Variants in GREM2 observed in about 807,000 individuals in gnomAD.
GREM2 encodes gremlin 2, DAN family BMP antagonist.
GREM2 carries 11 observed loss-of-function variants against 14.2 expected under a neutral mutation model. That is an observed-to-expected ratio of 0.78 (90% CI 0.49 to 1.28). GREM2 has a LOEUF of 1.28. Ranked by LOEUF, GREM2 falls within the 50% of genes most tolerant of loss-of-function variation. The probability of loss-of-function intolerance (pLI) is 0.00; values close to 1 mark genes in which losing one functional copy is unlikely to be tolerated. For synonymous variants in GREM2, 98 were observed against 97.6 expected, an observed-to-expected ratio of 1.00 and a Z score of -0.02; for missense variants, 210 against 218.5, an observed-to-expected ratio of 0.96 and a Z score of 0.24.
intron 1 of GREM2, among the ~76,000 whole-genome samples, chr1:240,566,311 G>A (rs1429443174): frequency 6.6e-6 from 1 of 152,112 alleles, no homozygotes; most frequent in East Asian, 1.9e-4. Flanking sequence ...GAACAAACCA[G>A]ACAAAATATT....
chr1:240,551,435 G>A (rs369434677), intron 1 of GREM2, among the ~76,000 whole-genome samples: 3 of 152,080 alleles, frequency 2.0e-5, no homozygotes, highest in East Asian at 1.9e-4. Flanking sequence ...TGCAACTTTC[G>A]CCTCCTGGGT....
intron 1 of GREM2, among the ~76,000 whole-genome samples, chr1:240,581,382 A>G (rs537799501): frequency 6.6e-6 from 1 of 152,288 alleles, no homozygotes; most frequent in East Asian, 1.9e-4. Context: ...GCCAAAATCA[A>G]CTACTGGTAC....
intron 1 of GREM2, among the ~76,000 whole-genome samples, chr1:240,605,669 T>A (rs1680011322): frequency 6.6e-6 from 1 of 151,964 alleles, no homozygotes; most frequent in South Asian, 2.1e-4. Flanking sequence ...TTCAGTAATC[T>A]TATCATTTTC....
chr1:240,548,107 T>A (rs12076753), intron 1 of GREM2, among the ~76,000 whole-genome samples: 1,417 of 137,482 alleles, frequency 0.01, 37 homozygotes, highest in East Asian at 0.078. Flanking sequence ...ACTAAAAATT[T>A]AAAAAAAAAA....
chr1:240,573,224 A>G (rs1280563585), intron 1 of GREM2, among the ~76,000 whole-genome samples: 1 of 152,180 alleles, frequency 6.6e-6, no homozygotes, highest in Admixed American at 6.5e-5. Context: ...GCACTCTGGG[A>G]GGCCAAAGAG....
chr1:240,520,157 T>C (rs1477840002), intron 1 of GREM2, among the ~76,000 whole-genome samples: 1 of 152,056 alleles, frequency 6.6e-6, no homozygotes, highest in Non-Finnish European at 1.5e-5. Context: ...CTCCCACTTA[T>C]AAAGGCCAGC....
At chr1:240,547,534 TAG>T (rs1422706185) in intron 1 of GREM2, among the ~76,000 whole-genome samples, 135 of 119,396 alleles carry the variant, frequency 1.1e-3, no homozygotes, top group South Asian at 2.6e-3. Context: ...TATATATATA[TAG>T]ATAGATAGAT....
At chr1:240,515,366 G>C (rs1455403607) in intron 1 of GREM2, among the ~76,000 whole-genome samples, 1 of 152,068 alleles carries the variant, frequency 6.6e-6, no homozygotes, top group Admixed American at 6.6e-5. Context: ...ATGGACCTAC[G>C]AGTCCAACTT....
intron 1 of GREM2, among the ~76,000 whole-genome samples, chr1:240,520,767 T>C (rs1424478394): frequency 6.6e-6 from 1 of 152,080 alleles, no homozygotes; most frequent in Non-Finnish European, 1.5e-5. Context: ...GGTCTTGAAC[T>C]CCAGACCTCA....
chr1:240,549,379 A>C (rs2103336191), intron 1 of GREM2, among the ~76,000 whole-genome samples: 1 of 152,060 alleles, frequency 6.6e-6, no homozygotes, highest in Admixed American at 6.6e-5. Flanking sequence ...AAGTGTGCAG[A>C]TAGAGAACAG....
intron 1 of GREM2, among the ~76,000 whole-genome samples, chr1:240,523,742 T>TA (rs1255967424): frequency 6.6e-6 from 1 of 152,192 alleles, no homozygotes; most frequent in East Asian, 1.9e-4. Context: ...GTTACTTAAA[T>TA]ATATGAAATT....
Position 240,557,243 on chromosome 1 carries a change from C to T in GREM2, c.-2+54641G>A, listed in dbSNP as rs75693640. Among the ~76,000 whole-genome samples the T allele has an allele frequency of 3.4e-3, 520 of 150,980 alleles. 5 individuals are homozygous for T. The highest frequency in any genetic ancestry group is 0.011 in the African/African-American group (474 of 41,260). ...CATAAAAAATAAATAAAACGAATCA[C>T]GGGAAGAGAGACCTGAGAAACCAGC... On this transcript the variant is annotated intron_variant, in intron 1 of 1. Transcript: ENST00000318160.
chr1:240,518,941 G>C (rs888620656), intron 1 of GREM2, among the ~76,000 whole-genome samples: 3 of 149,010 alleles, frequency 2.0e-5, no homozygotes, highest in African/African-American at 7.4e-5. Context: ...TAGTGTTCTT[G>C]TGGGTCTTCA....
chr1:240,500,426 G>T (rs1374823110), intron 1 of GREM2, among the ~76,000 whole-genome samples: 1 of 151,792 alleles, frequency 6.6e-6, no homozygotes, highest in Non-Finnish European at 1.5e-5. Context: ...AGCCTCCCGA[G>T]TAACTGGGAC....
At position 240,540,916 on chromosome 1, in the gene GREM2, T is replaced by C. The variant is rs1364193206; in HGVS notation, c.-1-47440A>G. On this transcript the variant is annotated intron_variant, in intron 1 of 1. Transcript: ENST00000318160. The surrounding 1 kb of genome is among the most constrained non-coding windows in gnomAD (Gnocchi z 4.2). ...TAAGGAGAGAGATGGCACTCATCAA[T>C]CAGTTTGTCGCCTTCCAGCATTCTG... Among the ~76,000 whole-genome samples the C allele has an allele frequency of 6.6e-6, 1 of 152,134 alleles. No individual in the cohort carries two copies. Among genetic ancestry groups the C allele is most frequent in the Non-Finnish European group, 1.5e-5 (1 of 68,026 alleles).
intron 1 of GREM2, among the ~76,000 whole-genome samples, chr1:240,570,152 A>C (rs1013126220): frequency 6.6e-6 from 1 of 152,178 alleles, no homozygotes; most frequent in African/African-American, 2.4e-5. Context: ...TGTTGGGTCC[A>C]TGCTATTGTC....
chr1:240,609,260 C>T (rs935223574), intron 1 of GREM2, among the ~76,000 whole-genome samples: 2 of 152,050 alleles, frequency 1.3e-5, no homozygotes, highest in African/African-American at 2.4e-5. Flanking sequence ...CAAATCAGTG[C>T]GCCAACACCG....
chr1:240,565,135 T>C (rs1162571343), intron 1 of GREM2, among the ~76,000 whole-genome samples: 2 of 152,208 alleles, frequency 1.3e-5, no homozygotes, highest in Admixed American at 6.5e-5. Context: ...TTATTTTACA[T>C]GGATAGGGGA....
chr1:240,535,286 T>C (rs1478113067), intron 1 of GREM2, among the ~76,000 whole-genome samples: 1 of 152,196 alleles, frequency 6.6e-6, no homozygotes, highest in Admixed American at 6.5e-5. Context: ...AAAGAGATTA[T>C]GCAACTTATC....
Sources: gnomAD v4.1 joint callset for allele counts (sites outside exome capture counted in the v4.1 genomes callset) on GRCh38, gnomAD v4.1.1 for gene constraint, Gnocchi (gnomAD v3.1) non-coding constraint, MANE v1.5 for transcripts, NCBI Gene and HGNC (gene_info 2026-07-23, HGNC 2026-07-21) for gene names.